MICAL2: variants seen among roughly 807,000 people sequenced by gnomAD.
MICAL2 encodes the protein microtubule associated monooxygenase, calponin and LIM domain containing 2, also known as [F-actin]-monooxygenase MICAL2.
MICAL2 carries 77 observed loss-of-function variants against 127.3 expected under a neutral mutation model. The observed-to-expected ratio is 0.60, with a 90% confidence interval of 0.50 to 0.73. The LOEUF (loss-of-function observed/expected upper bound fraction) is 0.73, where lower values mean the gene tolerates loss of function less well. Among genes scored for constraint, MICAL2 ranks in the 30% least tolerant of loss-of-function variants. MICAL2 has a pLI of 0.00. For synonymous variants in MICAL2, 570 were observed against 551.1 expected (o/e 1.03, Z -0.48); for missense variants, 1,351 against 1,434.4 (o/e 0.94, Z 0.94).
At chr11:12,161,890 A>G (rs1854846323) in intron 2 of MICAL2, 189 bp from the exon 3 acceptor site, 2 of 504,418 alleles carry the variant, frequency 4.0e-6, no homozygotes, top group East Asian at 7.3e-5. Context: ...ATTACCTGCA[A>G]TGCCACATCG....
At chr11:12,245,920 A>C (rs1028976982) in intron 21 of MICAL2, among the ~76,000 whole-genome samples, 2 of 152,246 alleles carry the variant, frequency 1.3e-5, no homozygotes, top group African/African-American at 2.4e-5. Flanking sequence ...CGGACCAGGC[A>C]GTGGCTTGTG....
At chr11:12,124,509 G>A (rs916625984) in intron 1 of MICAL2, among the ~76,000 whole-genome samples, 2 of 152,202 alleles carry the variant, frequency 1.3e-5, no homozygotes, top group African/African-American at 4.8e-5. Flanking sequence ...GGGCTCCAAG[G>A]TTGCTTTCAG....
chr11:12,144,571 G>A (rs1298361190), intron 2 of MICAL2, among the ~76,000 whole-genome samples: 1 of 152,120 alleles, frequency 6.6e-6, no homozygotes, highest in Non-Finnish European at 1.5e-5. Context: ...TCCCACAGAG[G>A]TCTGCGTTGT....
chr11:12,276,753 T>C (rs1863726328), intron 1 of MICAL2: 1 of 152,228 alleles, frequency 6.6e-6, no homozygotes, highest in South Asian at 2.1e-4. Flanking sequence ...TATTATTTAC[T>C]AGACTCTGAG....
At chr11:12,262,339 G>C in intron 26 of MICAL2, 141 bp from the exon 27 acceptor site, 1 of 1,521,552 alleles carries the variant, frequency 6.6e-7, no homozygotes, top group Non-Finnish European at 8.8e-7. Flanking sequence ...GACTCTTTCA[G>C]AGGAAGTTTC....
At chr11:12,274,589 T>C (rs1487058247), upstream of MICAL2, 3 of 152,094 alleles carry the variant, frequency 2.0e-5, no homozygotes, top group African/African-American at 4.8e-5. Flanking sequence ...GAGGCCTGCA[T>C]GGAAACGTCT....
intron 21 of MICAL2, among the ~76,000 whole-genome samples, chr11:12,247,498 G>A (rs1406727477): frequency 6.6e-6 from 1 of 152,190 alleles, no homozygotes; most frequent in East Asian, 1.9e-4. Flanking sequence ...AAGTCACTTA[G>A]CCTCTCTGTG....
chr11:12,316,617 T>A (rs1864234097), intron 29 of MICAL2, among the ~76,000 whole-genome samples: 1 of 152,040 alleles, frequency 6.6e-6, no homozygotes. Context: ...TTCCCTCATA[T>A]CTGTCATTTC....
intron 1 of MICAL2, among the ~76,000 whole-genome samples, chr11:12,125,254 G>A (rs1850819989): frequency 6.6e-6 from 1 of 152,174 alleles, no homozygotes; most frequent in Admixed American, 6.5e-5. Context: ...TTTTCACATA[G>A]CTGTACATCT....
At chr11:12,245,415 G>A (rs1307999717) in intron 21 of MICAL2, among the ~76,000 whole-genome samples, 2 of 152,202 alleles carry the variant, frequency 1.3e-5, no homozygotes, top group African/African-American at 4.8e-5. Flanking sequence ...GTGTGTAATT[G>A]GGGGTCCCAC....
intron 29 of MICAL2, among the ~76,000 whole-genome samples, chr11:12,309,149 A>G (rs960616131): frequency 1.3e-5 from 2 of 152,194 alleles, no homozygotes; most frequent in Non-Finnish European, 2.9e-5. Flanking sequence ...TGAAACATCA[A>G]TTTACTTCAA....
At chr11:12,324,652 C>T (rs1234799964) in intron 31 of MICAL2, among the ~76,000 whole-genome samples, 4 of 152,218 alleles carry the variant, frequency 2.6e-5, no homozygotes, top group Admixed American at 6.5e-5. Flanking sequence ...CAAGCCTAGT[C>T]TTGAACAAGA....
At chr11:12,301,264 G>C (rs952280397) in intron 29 of MICAL2, among the ~76,000 whole-genome samples, 1 of 152,128 alleles carries the variant, frequency 6.6e-6, no homozygotes, top group African/African-American at 2.4e-5. Context: ...TTGAGATTTG[G>C]GTGGGTACAC....
At chr11:12,188,228 AATG>A (rs568040558) in intron 3 of MICAL2, among the ~76,000 whole-genome samples, 148 of 152,340 alleles carry the variant, frequency 9.7e-4, no homozygotes, top group African/African-American at 3.5e-3. Context: ...TACGTGTTGC[AATG>A]ATAATATTTT....
intron 1 of MICAL2, among the ~76,000 whole-genome samples, chr11:12,113,920 G>A (rs1002645721): frequency 2.6e-5 from 4 of 152,090 alleles, no homozygotes; most frequent in Non-Finnish European, 4.4e-5. Flanking sequence ...CTATGAAATG[G>A]CATTTAAAAC....
chr11:12,268,728 C>T (rs1038299572), downstream of MICAL2, among the ~76,000 whole-genome samples: 4 of 152,202 alleles, frequency 2.6e-5, no homozygotes, highest in Admixed American at 6.5e-5. Context: ...CGGTCGCTCA[C>T]GCGTGTAATC....
At chr11:12,153,115 C>T (rs1355052930) in intron 2 of MICAL2, 2 of 151,944 alleles carry the variant, frequency 1.3e-5, no homozygotes, top group Admixed American at 6.6e-5. Context: ...ACAGCAGCCT[C>T]GACCTCCTGG....
downstream of MICAL2, among the ~76,000 whole-genome samples, chr11:12,290,473 T>C (rs770517045): frequency 3.5e-4 from 53 of 152,008 alleles, no homozygotes; most frequent in Admixed American, 2.5e-3. Flanking sequence ...ATTCAGAAGA[T>C]GGCAGAGAGG....
chr11:12,330,875 GAGAGAGAC>G (rs1864415073), intron 32 of MICAL2, among the ~76,000 whole-genome samples: 1 of 142,328 alleles, frequency 7.0e-6, no homozygotes, highest in African/African-American at 2.7e-5. Context: ...GAGAGAGAGA[GAGAGAGAC>G]AGAGAGAGAG....
Sources: gnomAD v4.1 joint callset for allele counts (sites outside exome capture counted in the v4.1 genomes callset) on GRCh38, gnomAD v4.1.1 for gene constraint, MANE v1.5 for transcripts, NCBI Gene and HGNC (gene_info 2026-07-23, HGNC 2026-07-21) for gene names.